Variants in PCDHGA1 observed in about 807,000 individuals in gnomAD.
PCDHGA1 encodes the protein protocadherin gamma subfamily A, 1, also known as protocadherin gamma-A1.
PCDHGA1 carries 32 observed loss-of-function variants against 58.0 expected under a neutral mutation model. The observed-to-expected ratio is 0.55, with a 90% CI of 0.42 to 0.74. The LOEUF (loss-of-function observed/expected upper bound fraction) is 0.74. Ranked by LOEUF, PCDHGA1 falls within the 30% of genes least tolerant of loss-of-function variation. The pLI is 0.00. For missense variants in PCDHGA1, 1,205 were observed against 1,182.3 expected (o/e 1.02, Z -0.28); for synonymous variants, 498 against 501.1 (o/e 0.99, Z 0.08).
intron 2 of PCDHGA1, among the ~76,000 whole-genome samples, chr5:141,504,704 A>G (rs965376942): frequency 1.3e-5 from 2 of 151,356 alleles, no homozygotes; most frequent in African/African-American, 4.8e-5. Flanking sequence ...AGGTTCTTCT[A>G]TGGCCGTGGA....
Position 141,431,645 on chromosome 5 carries a change from T to C in PCDHGA1, c.2422-63162T>C. ...GGCGGCCCAAGTTTTCAAACTAGAT[T>C]GTAATTCAGGGACAATATCAACAAT... is the stretch of plus-strand genomic sequence containing the variant. On this transcript the variant is annotated intron_variant, in intron 1 of 3. Coordinates refer to ENST00000517417, the MANE Select transcript of PCDHGA1 (RefSeq NM_018912.3). This position sits in a 1 kb window ranked among gnomAD's most constrained non-coding sequence, Gnocchi z 4.8. 6.2e-7 allele frequency: 1 copy of C among 1,614,236 alleles called. No individual in the cohort carries two copies.
intron 1 of PCDHGA1, chr5:141,377,279 AAT>A (rs1773851812): frequency 6.6e-6 from 1 of 152,110 alleles, no homozygotes; most frequent in African/African-American, 2.4e-5. Context: ...TGGGAAAAAA[AAT>A]AACCTTAATT....
intron 1 of PCDHGA1, among the ~76,000 whole-genome samples, chr5:141,348,832 G>A (rs1182430237): frequency 2.6e-4 from 40 of 152,212 alleles, no homozygotes; most frequent in Non-Finnish European, 5.9e-5. Flanking sequence ...AATAGAGTAT[G>A]AGTATGGGTG....
chr5:141,470,297 T>A (rs2099227289), intron 1 of PCDHGA1, among the ~76,000 whole-genome samples: 2 of 152,348 alleles, frequency 1.3e-5, no homozygotes, highest in Admixed American at 1.3e-4. Flanking sequence ...TAACTGTTTT[T>A]ATTCCATTTT....
chr5:141,494,586 G>A (rs770159202), intron 1 of PCDHGA1, among the ~76,000 whole-genome samples: 1 of 152,112 alleles, frequency 6.6e-6, no homozygotes, highest in Non-Finnish European at 1.5e-5. Context: ...GCTCACTGTG[G>A]TCAGATGAAA....
chr5:141,360,598 G>C (rs1761668512), intron 1 of PCDHGA1: 1 of 1,613,956 alleles, frequency 6.2e-7, no homozygotes, highest in Non-Finnish European at 8.5e-7. Flanking sequence ...ATTTCCACTT[G>C]ACCCAGCCCT....
rs763404019 is a variant in PCDHGA1 at position 141,345,771 on chromosome 5, C to T, written c.2421+12666C>T. The T allele has an allele frequency of 1.6e-5, 26 of 1,614,170 alleles. 1 individual carries two copies. In the South Asian group the frequency reaches 1.6e-4, roughly 10 times the overall value. ...TTCCACTGGCGTGGAGCTGGCGCCT[C>T]GCTCCGCAGAGCCCGGCTACCTGGT... is the stretch of plus-strand genomic sequence containing the variant. On this transcript the variant is annotated intron_variant, in intron 1 of 3. Transcript: ENST00000517417.
chr5:141,365,663 G>C lies in PCDHGA1; in HGVS notation c.2421+32558G>C, dbSNP rs117201633. The stretch of plus-strand genomic sequence containing the variant: ...CCACATCCCCTTGAAAGTAGCAGAC[G>C]TTAATGACAACCCACCCAATTTCCC... On this transcript the variant is annotated intron_variant, in intron 1 of 3. Transcript: ENST00000517417. 4.9e-5 allele frequency: 79 copies of C among 1,613,390 alleles called. No individual in the cohort carries two copies. The East Asian group carries it at 1.3e-3, about 26-fold the overall frequency.
Position 141,431,500 on chromosome 5 carries a change from C to T in PCDHGA1, c.2422-63307C>T, listed in dbSNP as rs903027252. On this transcript the variant is annotated intron_variant, in intron 1 of 3. Transcript: ENST00000517417. This position sits in a 1 kb window ranked among gnomAD's most constrained non-coding sequence, Gnocchi z 4.8. ...CACCAGCGTTTGCTCAGCCCGAGTACCGCGCGAGCGTTCCGGAGAATCTGG... is the reference window on the plus strand; with the variant it reads ...CACCAGCGTTTGCTCAGCCCGAGTATCGCGCGAGCGTTCCGGAGAATCTGG... The T allele has an allele frequency of 4.4e-5, 71 of 1,613,894 alleles. No individual in the cohort carries two copies. The highest frequency in any genetic ancestry group is 5.9e-5 in the Non-Finnish European group (70 of 1,180,050).
intron 1 of PCDHGA1, among the ~76,000 whole-genome samples, chr5:141,469,134 G>T (rs2099192163): frequency 6.6e-6 from 1 of 151,944 alleles, no homozygotes; most frequent in Non-Finnish European, 1.5e-5. Context: ...AAATTAGCCA[G>T]AAATGGTGGC....
At chr5:141,369,308 G>A (rs1356330525) in intron 1 of PCDHGA1, among the ~76,000 whole-genome samples, 2 of 152,074 alleles carry the variant, frequency 1.3e-5, no homozygotes, top group African/African-American at 4.8e-5. Flanking sequence ...TCATTGTTAG[G>A]CTACTTGAGA....
intron 1 of PCDHGA1, among the ~76,000 whole-genome samples, chr5:141,348,695 T>A (rs1758162942): frequency 6.6e-6 from 1 of 152,094 alleles, no homozygotes; most frequent in African/African-American, 2.4e-5. Flanking sequence ...TTTTGAAGAA[T>A]GGGCAAGAAT....
chr5:141,414,236 C>T, intron 1 of PCDHGA1: 1 of 1,613,456 alleles, frequency 6.2e-7, no homozygotes. Flanking sequence ...CTGACCATCA[C>T]GTCTCTATTT....
At chr5:141,333,244 C>A in intron 1 of PCDHGA1, 139 bp downstream of exon 1, 3 of 1,250,858 alleles carry the variant, frequency 2.4e-6, no homozygotes, top group Non-Finnish European at 2.2e-6. Flanking sequence ...CCTGCAAAAT[C>A]ACGATTGAGT....
At chr5:141,435,172 T>G (rs1406204282) in intron 1 of PCDHGA1, among the ~76,000 whole-genome samples, 1 of 152,198 alleles carries the variant, frequency 6.6e-6, no homozygotes, top group Non-Finnish European at 1.5e-5. Context: ...GAGTGGCTTT[T>G]AACTACACTT....
chr5:141,404,879 G>A (rs770577946), intron 1 of PCDHGA1: 4 of 1,613,906 alleles, frequency 2.5e-6, no homozygotes, highest in Middle Eastern at 1.6e-4. Flanking sequence ...ACAGAGCCTT[G>A]TGGTGGCTGT....
rs377438861 is a variant in PCDHGA1, at chr5:141,364,705, T to G, written c.2421+31600T>G. The G allele has an allele frequency of 8.1e-6, 13 of 1,613,854 alleles. No individual in the cohort carries two copies. The highest frequency in any genetic ancestry group is 6.8e-6 in the Non-Finnish European group (8 of 1,179,894). Reference sequence around the variant, plus strand: ...ATGGAGTAGAAGTAGAAATAATCGATATTAATGATAACTTCCCGCGTTTCC... The same window carrying G: ...ATGGAGTAGAAGTAGAAATAATCGAGATTAATGATAACTTCCCGCGTTTCC... On this transcript the variant is annotated intron_variant, in intron 1 of 3. Transcript: ENST00000517417.
intron 1 of PCDHGA1, among the ~76,000 whole-genome samples, chr5:141,343,678 A>G (rs1242104370): frequency 6.6e-6 from 1 of 152,236 alleles, no homozygotes; most frequent in Non-Finnish European, 1.5e-5. Flanking sequence ...ATGTTCAATC[A>G]ACACTAGTCC....
chr5:141,400,639 C>A, intron 1 of PCDHGA1: 1 of 1,310,186 alleles, frequency 7.6e-7, no homozygotes, highest in Non-Finnish European at 1.1e-6. Context: ...CAGAGCTGCT[C>A]AGAAAGCTGT....
Sources: allele counts gnomAD v4.1 joint callset (sites outside exome capture counted in the v4.1 genomes callset), GRCh38; gene constraint gnomAD v4.1.1; non-coding constraint Gnocchi (gnomAD v3.1); transcripts MANE v1.5; gene names NCBI Gene and HGNC (gene_info 2026-07-23, HGNC 2026-07-21).